The following WDR72 variants were observed in gnomAD, a reference collection of about 807,000 sequenced individuals.
WDR72 encodes WD repeat domain 72, also known as WD repeat-containing protein 72.
Under a neutral mutation model 124.2 loss-of-function variants are expected in WDR72, and 120 were observed. The ratio of observed to expected loss-of-function variants is 0.97; its 90% CI spans 0.83 to 1.12. The LOEUF is 1.12. Among genes scored for constraint, WDR72 ranks in the 50% most tolerant of loss-of-function variants. WDR72 has a pLI of 0.00. For synonymous variants in WDR72, 452 were observed against 441.7 expected, an observed-to-expected ratio of 1.02 and a Z score of -0.29; for missense variants, 1,387 against 1,278.8, an observed-to-expected ratio of 1.08 and a Z score of -1.29.
intron 13 of WDR72, among the ~76,000 whole-genome samples, chr15:53,691,254 A>G (rs2016830291): frequency 6.6e-6 from 1 of 151,994 alleles, no homozygotes; most frequent in Non-Finnish European, 1.5e-5. Context: ...TCACACTATG[A>G]TGCCCAGTCT....
intron 13 of WDR72, among the ~76,000 whole-genome samples, chr15:53,691,676 T>C (rs1228314469): frequency 1.4e-5 from 2 of 144,468 alleles, no homozygotes; most frequent in Non-Finnish European, 3.0e-5. Context: ...GATAGATAGA[T>C]GTTTAACAAA....
At position 53,615,947 on chromosome 15, in the gene WDR72, T is replaced by A. The variant is rs1209022528; in HGVS notation, c.2259A>T (p.Gly753=). 1.2e-6 allele frequency: 2 copies of A among 1,613,436 alleles called. No individual in the cohort carries two copies. The highest frequency in any genetic ancestry group is 3.3e-5 in the Admixed American group (2 of 59,820). ...AKPITESLAQ[G]DNTIKFSEEN... ...CTTCTGAGAATTTGATGGTATTATC[T>A]CCTTGGGCCAGGCTTTCAGTAATAG... The change falls in exon 15 of 20, where the codon GGA becomes GGT. Residue 753 remains glycine (G), a synonymous_variant. Transcript: ENST00000360509.
chr15:53,667,024 ATGT>A (rs1449825305), intron 13 of WDR72, among the ~76,000 whole-genome samples: 1 of 152,162 alleles, frequency 6.6e-6, no homozygotes. Flanking sequence ...GCTTATAAAC[ATGT>A]TGTTCTTCTA....
At chr15:53,709,894 T>G (rs2017484844) in intron 9 of WDR72, among the ~76,000 whole-genome samples, 1 of 152,220 alleles carries the variant, frequency 6.6e-6, no homozygotes. Flanking sequence ...ATCATTCTGT[T>G]AAAAGTAGCA....
At chr15:53,758,005 C>CTCTCTCTT (rs1169337772) in intron 1 of WDR72, among the ~76,000 whole-genome samples, 2 of 132,326 alleles carry the variant, frequency 1.5e-5, no homozygotes, top group Admixed American at 7.6e-5. Flanking sequence ...CTCTCTCTCT[C>CTCTCTCTT]TCTTTTTCTC....
At chr15:53,552,718 A>T (rs1893786251) in intron 18 of WDR72, among the ~76,000 whole-genome samples, 1 of 152,158 alleles carries the variant, frequency 6.6e-6, no homozygotes, top group African/African-American at 2.4e-5. Flanking sequence ...ATATAGAAGA[A>T]TAGAAGACTG....
chr15:53,695,036 G>A (rs755541017), intron 13 of WDR72, among the ~76,000 whole-genome samples: 1 of 151,968 alleles, frequency 6.6e-6, no homozygotes, highest in Non-Finnish European at 1.5e-5. Context: ...AAGATCATAC[G>A]GACCACAAAG....
At chr15:53,604,706 C>T (rs1018079000) in intron 17 of WDR72, among the ~76,000 whole-genome samples, 1 of 151,948 alleles carries the variant, frequency 6.6e-6, no homozygotes, top group Non-Finnish European at 1.5e-5. Flanking sequence ...ATATATGTGG[C>T]CAAAAATCAT....
intron 18 of WDR72, among the ~76,000 whole-genome samples, chr15:53,581,082 C>G (rs985771573): frequency 6.6e-6 from 1 of 151,974 alleles, no homozygotes; most frequent in African/African-American, 2.4e-5. Context: ...TGCTCTCAAA[C>G]AACAGTTTTT....
At chr15:53,598,617 T>C (rs1427538956) in intron 17 of WDR72, among the ~76,000 whole-genome samples, 2 of 152,160 alleles carry the variant, frequency 1.3e-5, no homozygotes, top group Non-Finnish European at 2.9e-5. Context: ...CTTTTAAATA[T>C]AGGAAGCTTC....
chr15:53,617,424 G>T (rs1954958914), intron 14 of WDR72, among the ~76,000 whole-genome samples: 1 of 151,170 alleles, frequency 6.6e-6, no homozygotes, highest in Non-Finnish European at 1.5e-5. Flanking sequence ...TTTTGGTTTG[G>T]TTTTCTGAAA....
chr15:53,537,889 T>C (rs1052547140), intron 18 of WDR72, among the ~76,000 whole-genome samples: 1 of 152,210 alleles, frequency 6.6e-6, no homozygotes, highest in East Asian at 1.9e-4. Flanking sequence ...AATCTACAAG[T>C]TATTGTTAGT....
At chr15:53,739,247 G>T (rs2018441516) in intron 1 of WDR72, among the ~76,000 whole-genome samples, 2 of 151,976 alleles carry the variant, frequency 1.3e-5, no homozygotes, top group South Asian at 4.2e-4. Context: ...AAGTGAATCG[G>T]CAAAGAGAAA....
At position 53,698,681 on chromosome 15, in the gene WDR72, A is replaced by G. The variant is rs115468459; in HGVS notation, c.1765+1069T>C. ...AACTGTTGCTCAAATCAAGAATTCT[A>G]AAACTCCCCTAATTTTGTGTATATT... On this transcript the variant is annotated intron_variant, in intron 13 of 19. Coordinates refer to ENST00000360509, the MANE Select transcript of WDR72 (RefSeq NM_182758.4). Among the ~76,000 whole-genome samples the G allele has an allele frequency of 6.6e-3, 998 of 152,324 alleles. 10 individuals are homozygous for G. Among genetic ancestry groups the G allele is most frequent in the African/African-American group, 0.023 (949 of 41,580 alleles).
chr15:53,648,901 A>ATCC (rs1239812680), intron 14 of WDR72, among the ~76,000 whole-genome samples: 20 of 135,394 alleles, frequency 1.5e-4, no homozygotes, highest in African/African-American at 7.8e-4. Flanking sequence ...AGCAGAAGAA[A>ATCC]CAAGACAAAA....
Position 53,711,363 on chromosome 15 carries a change from T to C in WDR72, c.830A>G (p.His277Arg), listed in dbSNP as rs760336688. 2 of 1,614,202 alleles carry C rather than the reference T, an allele frequency of 1.2e-6. No individual in the cohort carries two copies. Among genetic ancestry groups the C allele is most frequent in the South Asian group, 2.2e-5 (2 of 91,074 alleles). ...GTTCAGCAGCTGATAGATGTAACTG[T>C]GACCATCTTCTGTCCAGATGAGGAT... ...HRILIWTEDG[H>R]SYIYQLLNSG... Residue 277 changes from histidine to arginine, a missense_variant, in exon 8 of 20, where the codon CAC (histidine) becomes CGC (arginine). By Grantham distance (29) the His-to-Arg change is conservative. Transcript: ENST00000360509.
chr15:53,568,195 C>T (rs896407772), intron 18 of WDR72, among the ~76,000 whole-genome samples: 1 of 149,888 alleles, frequency 6.7e-6, no homozygotes, highest in Non-Finnish European at 1.5e-5. Flanking sequence ...AATTTTTTAC[C>T]ATTTAATATG....
At chr15:53,738,080 G>A (rs1184692049) in intron 1 of WDR72, among the ~76,000 whole-genome samples, 2 of 152,140 alleles carry the variant, frequency 1.3e-5, no homozygotes, top group African/African-American at 2.4e-5. Flanking sequence ...AATTCTAAAT[G>A]ATCCCTGGGC....
chr15:53,647,564 C>A (rs536050127), intron 14 of WDR72, among the ~76,000 whole-genome samples: 6 of 152,106 alleles, frequency 3.9e-5, no homozygotes, highest in African/African-American at 1.4e-4. Flanking sequence ...CTCTCTCATG[C>A]TCCCTCTCCT....
Sources: allele counts gnomAD v4.1 joint callset (sites outside exome capture counted in the v4.1 genomes callset), GRCh38; gene constraint gnomAD v4.1.1; transcripts MANE v1.5; gene names NCBI Gene and HGNC (gene_info 2026-07-23, HGNC 2026-07-21).